CACNA1C: variants seen among roughly 807,000 people sequenced by gnomAD.
The protein encoded by CACNA1C is voltage-dependent L-type calcium channel subunit alpha-1C.
A neutral mutation model predicts 229.0 loss-of-function variants in CACNA1C; 30 were observed. The observed-to-expected ratio is 0.13, with a 90% CI of 0.10 to 0.18. The LOEUF is 0.18. Ranked by LOEUF, CACNA1C falls within the 10% of genes least tolerant of loss-of-function variation. CACNA1C has a pLI of 1.00. For synonymous variants in CACNA1C, 1,114 were observed against 1,132.5 expected (o/e 0.98, Z 0.33); for missense variants, 1,658 against 2,845.0 (o/e 0.58, Z 9.49).
rs1192808579 is a variant in CACNA1C, at chr12:2,651,354, T to C, written c.3946-286T>C. ...TCCTGATGGAGTCGTCTGTCCTCCA[T>C]CCAGGGCATTAAGAACTAGGAATGA... is the stretch of plus-strand genomic sequence containing the variant. On this transcript the variant is annotated intron_variant, in intron 31 of 46. Transcript: ENST00000399655. This position sits in a 1 kb window ranked among gnomAD's most constrained non-coding sequence, Gnocchi z 5.4. 4 of 538,812 alleles carry C rather than the reference T, an allele frequency of 7.4e-6. No homozygotes were observed. The Admixed American group carries it at 1.3e-4, about 17-fold the overall frequency. The allele number at this position is 538,812 out of a possible 1,614,324, so 33.4% of individuals were successfully genotyped here. A position where few individuals can be genotyped will look rare whatever the true frequency, so the allele number is the denominator to read the frequency against.
At chr12:2,260,203 A>C (rs1177745661) in intron 3 of CACNA1C, among the ~76,000 whole-genome samples, 1 of 152,118 alleles carries the variant, frequency 6.6e-6, no homozygotes, top group East Asian at 1.9e-4. Flanking sequence ...TGGGCTGAGT[A>C]CTGTGGCTCT....
chr12:1,992,442 A>G (rs1363737799), intron 1 of CACNA1C: 1 of 153,382 alleles, frequency 6.5e-6, no homozygotes, highest in African/African-American at 2.4e-5. Flanking sequence ...GATGAAAAAT[A>G]TACAGAAAAC....
At chr12:2,159,077 A>G (rs1017946744) in intron 3 of CACNA1C, among the ~76,000 whole-genome samples, 6 of 152,232 alleles carry the variant, frequency 3.9e-5, no homozygotes, top group African/African-American at 1.4e-4. Flanking sequence ...ATGGAATACC[A>G]AAAGAAACAG....
chr12:2,402,873 A>G (rs73037264), intron 3 of CACNA1C, among the ~76,000 whole-genome samples: 6,102 of 152,326 alleles, frequency 0.04, 114 homozygotes, highest in Middle Eastern at 0.058. Flanking sequence ...GATTTAAGCC[A>G]TATCAATTAT....
chr12:2,316,853 C>T (rs1049779952), intron 3 of CACNA1C, among the ~76,000 whole-genome samples: 7 of 152,254 alleles, frequency 4.6e-5, no homozygotes, highest in African/African-American at 9.6e-5. Flanking sequence ...CCAGGGACCT[C>T]GGGGAGAATG....
chr12:2,320,929 C>T (rs1254109993), intron 3 of CACNA1C, among the ~76,000 whole-genome samples: 1 of 152,170 alleles, frequency 6.6e-6, no homozygotes, highest in African/African-American at 2.4e-5. Flanking sequence ...GCCAGACAAG[C>T]TAGACCATCT....
intron 3 of CACNA1C, among the ~76,000 whole-genome samples, chr12:2,132,019 A>T (rs1259828795): frequency 8.0e-6 from 1 of 124,304 alleles, no homozygotes; most frequent in East Asian, 2.3e-4. Flanking sequence ...GAGGTCCTTC[A>T]CAACCCTTGT....
chr12:2,664,807 G>A lies in CACNA1C; in HGVS notation c.4233-18G>A. On this transcript the variant is annotated intron_variant, in intron 34 of 46. Coordinates refer to ENST00000399655, the MANE Select transcript of CACNA1C (RefSeq NM_000719.7). ...CTGTAGGATGGGCTGCATGAACGTGGCTCTCCCTCCCCTCCAGGTGTGCCA... is the reference window on the plus strand; with the variant it reads ...CTGTAGGATGGGCTGCATGAACGTGACTCTCCCTCCCCTCCAGGTGTGCCA... The A allele has an allele frequency of 6.4e-7, 1 of 1,552,580 alleles. No individual in the cohort carries two copies.
intron 3 of CACNA1C, among the ~76,000 whole-genome samples, chr12:2,415,373 C>G (rs1246455130): frequency 6.6e-6 from 1 of 152,168 alleles, no homozygotes; most frequent in African/African-American, 2.4e-5. Flanking sequence ...CACTGACTTC[C>G]AAGCCTCCCG....
At chr12:1,990,419 T>C (rs928313872) in intron 1 of CACNA1C, among the ~76,000 whole-genome samples, 2 of 152,222 alleles carry the variant, frequency 1.3e-5, no homozygotes, top group Non-Finnish European at 2.9e-5. Context: ...GTAATCTATT[T>C]TGTGTTTGAA....
At chr12:2,528,555 C>T (rs577851745) in intron 9 of CACNA1C, among the ~76,000 whole-genome samples, 12 of 152,340 alleles carry the variant, frequency 7.9e-5, no homozygotes, top group South Asian at 2.1e-4. Flanking sequence ...ATCTGCCTTC[C>T]GAACTGCCAT....
chr12:2,552,510 G>GA (rs1428961173), intron 10 of CACNA1C, among the ~76,000 whole-genome samples: 1 of 152,242 alleles, frequency 6.6e-6, no homozygotes. Flanking sequence ...TGCATCAGAA[G>GA]AGTGTGAGAA....
At chr12:2,228,157 G>A (rs1050395002) in intron 3 of CACNA1C, among the ~76,000 whole-genome samples, 5 of 152,042 alleles carry the variant, frequency 3.3e-5, no homozygotes, top group Admixed American at 1.3e-4. Flanking sequence ...GTGCAACCCC[G>A]CCCCTGTGTT....
intron 3 of CACNA1C, among the ~76,000 whole-genome samples, chr12:2,147,094 A>G (rs2094788126): frequency 6.6e-6 from 1 of 151,234 alleles, no homozygotes; most frequent in Non-Finnish European, 1.5e-5. Context: ...TCCTGTCCCT[A>G]TCTCTAGGTC....
Position 2,077,118 on chromosome 12 carries a change from G to T in CACNA1C, c.49+23507G>T, listed in dbSNP as rs574004772. Among the ~76,000 whole-genome samples the T allele has an allele frequency of 2.0e-5, 3 of 152,324 alleles. No homozygotes were observed. In the South Asian group the frequency reaches 6.2e-4, roughly 32 times the overall value. ...TGATCAACAGGGAAATTTAATTTAG[G>T]TACAGCTAATAGCTGCATGTGTGAG... On this transcript the variant is annotated intron_variant, in intron 1 of 46. Transcript: ENST00000399655.
In CACNA1C at chr12:2,605,228, C is replaced by A. The variant is rs2074723506; in HGVS notation, c.3048+60C>A. 1.7e-6 allele frequency: 2 copies of A among 1,199,562 alleles called. No individual in the cohort carries two copies. The highest frequency in any genetic ancestry group is 3.0e-5 in the African/African-American group (2 of 66,824). 74.3% of individuals were successfully genotyped at this position (1,199,562 alleles called of 1,614,324 possible). A position where few individuals can be genotyped will look rare whatever the true frequency, so the allele number is the denominator to read the frequency against. On this transcript the variant is annotated intron_variant, in intron 23 of 46. Transcript: ENST00000399655. The surrounding 1 kb of genome is among the most constrained non-coding windows in gnomAD (Gnocchi z 6.2). Reference sequence around the variant, plus strand: ...AGCCCATTGGGGAGTGGGAGCTCCACAGAGGTGAGGGGTGGGTTGGAAGGA... The same window carrying A: ...AGCCCATTGGGGAGTGGGAGCTCCAAAGAGGTGAGGGGTGGGTTGGAAGGA...
intron 42 of CACNA1C, chr12:2,680,385 G>T (rs1302378127): frequency 8.3e-6 from 13 of 1,557,304 alleles, no homozygotes; most frequent in Non-Finnish European, 1.0e-5. Context: ...TGACATGCTG[G>T]ATGGTGGGAC....
chr12:2,450,526 C>T (rs566499482), intron 4 of CACNA1C, among the ~76,000 whole-genome samples: 69 of 122,448 alleles, frequency 5.6e-4, no homozygotes, highest in African/African-American at 2.2e-3. Context: ...TGCACTCCAG[C>T]CTGGGCAACA....
At chr12:1,995,237 A>T (rs762014410) in intron 1 of CACNA1C, among the ~76,000 whole-genome samples, 2 of 152,180 alleles carry the variant, frequency 1.3e-5, no homozygotes, top group Non-Finnish European at 2.9e-5. Flanking sequence ...CCTACTAAAA[A>T]TTCCCCAAAT....
Sources: gnomAD v4.1 joint callset for allele counts (sites outside exome capture counted in the v4.1 genomes callset) on GRCh38, gnomAD v4.1.1 for gene constraint, Gnocchi (gnomAD v3.1) non-coding constraint, MANE v1.5 for transcripts, NCBI Gene and HGNC (gene_info 2026-07-23, HGNC 2026-07-21) for gene names.